TTC6: variants seen among roughly 807,000 people sequenced by gnomAD.
TTC6 encodes tetratricopeptide repeat protein 6.
A neutral mutation model predicts 210.4 loss-of-function variants in TTC6; 172 were observed. That is an observed-to-expected ratio of 0.82 (90% confidence interval 0.72 to 0.93). TTC6 has a LOEUF of 0.93. TTC6 is among the 40% of genes least tolerant of loss of function. The pLI is 0.00. For missense variants in TTC6, 2,414 were observed against 2,318.1 expected (o/e 1.04, Z -0.85); for synonymous variants, 804 against 819.6 (o/e 0.98, Z 0.32).
At chr14:37,717,616 T>C (rs966476405) in intron 6 of TTC6, among the ~76,000 whole-genome samples, 5 of 152,202 alleles carry the variant, frequency 3.3e-5, no homozygotes, top group Non-Finnish European at 7.4e-5. Flanking sequence ...GAGAGAATTC[T>C]ACCACACATT....
At chr14:37,695,464 C>T (rs1033908265) in intron 3 of TTC6, among the ~76,000 whole-genome samples, 1 of 152,100 alleles carries the variant, frequency 6.6e-6, no homozygotes, top group Non-Finnish European at 1.5e-5. Context: ...GAATGATTCT[C>T]CTGCCTCAGT....
chr14:37,838,061 G>C (rs2096201991), intron 29 of TTC6, among the ~76,000 whole-genome samples: 1 of 152,154 alleles, frequency 6.6e-6, no homozygotes, highest in Non-Finnish European at 1.5e-5. Flanking sequence ...ATTGTGTTTG[G>C]TTGGGAAAAA....
rs968220320 is a variant in TTC6, at chr14:37,686,449, C to T, written c.1257+3485C>T. ...TTTGTAACTACTTATGCAAAGGATG[C>T]ACAACTAGTACATGGAAGTCTCGTG... On this transcript the variant is annotated intron_variant, in intron 3 of 30. Coordinates refer to ENST00000553443, the Ensembl canonical transcript of TTC6. 2.2e-4 allele frequency among the ~76,000 whole-genome samples: 34 copies of T among 152,174 alleles called. 1 individual carries two copies. The highest frequency in any genetic ancestry group is 2.1e-4 in the South Asian group (1 of 4,834).
intron 26 of TTC6, among the ~76,000 whole-genome samples, chr14:37,821,075 CT>C (rs1304357079): frequency 0.033 from 4,493 of 138,228 alleles, 184 homozygotes; most frequent in African/African-American, 0.1. Flanking sequence ...TTTTTCCTTT[CT>C]TTTTTTTTTG....
At chr14:37,839,497 G>GT (rs1205341267) in intron 29 of TTC6, among the ~76,000 whole-genome samples, 1 of 152,016 alleles carries the variant, frequency 6.6e-6, no homozygotes, top group African/African-American at 2.4e-5. Context: ...GGGGTTGTTT[G>GT]TTTTTTTCTT....
In TTC6 at chr14:37,748,061, AT is replaced by A. The variant is rs1476080402; in HGVS notation, c.2364-877del. 2.6e-5 allele frequency among the ~76,000 whole-genome samples: 4 copies of A among 152,308 alleles called. No individual in the cohort carries two copies. In the East Asian group the frequency reaches 7.7e-4, roughly 29 times the overall value. ...ATTTGTAAAACAAAAAACAAAAACT[AT>A]GCCTGGCTGCCATGCAGAGAATGAG... On this transcript the variant is annotated intron_variant, in intron 10 of 30. Transcript: ENST00000553443.
At chr14:37,770,494 G>A (rs1355145619) in intron 14 of TTC6, among the ~76,000 whole-genome samples, 1,568 of 151,570 alleles carry the variant, frequency 0.01, 21 homozygotes, top group Non-Finnish European at 0.014. Context: ...CTCCTGTATT[G>A]GGTGCATATA....
At chr14:37,617,574 AT>A, upstream of TTC6, among the ~76,000 whole-genome samples, 1 of 152,208 alleles carries the variant, frequency 6.6e-6, no homozygotes, top group Non-Finnish European at 1.5e-5. Flanking sequence ...TAGAAAAAAA[AT>A]CACTGTTTTC....
At chr14:37,706,585 C>T (rs2095835919) in intron 5 of TTC6, among the ~76,000 whole-genome samples, 1 of 151,992 alleles carries the variant, frequency 6.6e-6, no homozygotes, top group South Asian at 2.1e-4. Context: ...ATTATGCATT[C>T]AATAATGAGA....
chr14:37,765,669 C>T (rs1382475830), intron 14 of TTC6, among the ~76,000 whole-genome samples: 1 of 152,018 alleles, frequency 6.6e-6, no homozygotes, highest in East Asian at 1.9e-4. Flanking sequence ...TTTCAAGTTT[C>T]CATCTAGTGT....
chr14:37,625,852 C>T (rs944972595), intron 1 of TTC6, among the ~76,000 whole-genome samples: 1 of 152,136 alleles, frequency 6.6e-6, no homozygotes, highest in African/African-American at 2.4e-5. Flanking sequence ...CCATAGTTAC[C>T]TGGGCCTGGA....
chr14:37,826,046 G>A, intron 27 of TTC6, 149 bp from the exon 30 acceptor site: 1 of 674,926 alleles, frequency 1.5e-6, no homozygotes, highest in South Asian at 3.0e-5. Flanking sequence ...TATGCATTCA[G>A]TATGCCTACT....
intron 29 of TTC6, among the ~76,000 whole-genome samples, chr14:37,835,991 A>G (rs2096197021): frequency 6.6e-6 from 1 of 152,132 alleles, no homozygotes; most frequent in Non-Finnish European, 1.5e-5. Context: ...CATGACTTAC[A>G]CTACTTGAAA....
At chr14:37,842,493 C>T, downstream of TTC6, 1 of 406,614 alleles carries the variant, frequency 2.5e-6, no homozygotes, top group Non-Finnish European at 4.0e-6. Context: ...ATTTGGAATA[C>T]CTTGAGAACT....
At chr14:37,803,741 G>C (rs1215251761) in intron 20 of TTC6, among the ~76,000 whole-genome samples, 2 of 152,144 alleles carry the variant, frequency 1.3e-5, no homozygotes. Flanking sequence ...GAAAGTGAAT[G>C]AAGATATAGA....
intron 6 of TTC6, among the ~76,000 whole-genome samples, chr14:37,721,876 A>G (rs12889864): frequency 7.7e-6 from 1 of 130,164 alleles, no homozygotes; most frequent in Non-Finnish European, 1.7e-5. Context: ...ATATATATAT[A>G]TGTATATATA....
intron 3 of TTC6, among the ~76,000 whole-genome samples, chr14:37,692,208 CAAAAAAAAA>C (rs3062759): frequency 5.0e-5 from 2 of 40,156 alleles, no homozygotes; most frequent in Non-Finnish European, 7.7e-5. Flanking sequence ...AAAGACACAC[CAAAAAAAAA>C]AAAAAAAAAA....
intron 1 of TTC6, among the ~76,000 whole-genome samples, chr14:37,644,422 A>G (rs2095697941): frequency 6.6e-6 from 1 of 152,166 alleles, no homozygotes; most frequent in African/African-American, 2.4e-5. Flanking sequence ...GGCCAGCAGG[A>G]AAGTTTTACA....
At chr14:37,631,887 C>A (rs908849649) in intron 1 of TTC6, among the ~76,000 whole-genome samples, 1 of 152,108 alleles carries the variant, frequency 6.6e-6, no homozygotes, top group South Asian at 2.1e-4. Flanking sequence ...GATATCCTTT[C>A]TTCCACTTGA....
Sources: allele counts gnomAD v4.1 joint callset (sites outside exome capture counted in the v4.1 genomes callset), GRCh38; gene constraint gnomAD v4.1.1; transcripts MANE v1.5; gene names NCBI Gene and HGNC (gene_info 2026-07-23, HGNC 2026-07-21).